Variants in WDR70 observed in about 807,000 individuals in gnomAD.
The protein encoded by WDR70 is WD repeat domain 70, also known as WD repeat-containing protein 70.
Under a neutral mutation model 88.6 loss-of-function variants are expected in WDR70, and 53 were observed. The ratio of observed to expected loss-of-function variants is 0.60; its 90% confidence interval spans 0.48 to 0.75. WDR70 has a LOEUF of 0.75. WDR70 is among the 30% of genes least tolerant of loss of function. WDR70 has a pLI of 0.00. For missense variants in WDR70, 610 were observed against 823.2 expected (o/e 0.74, Z 3.17); for synonymous variants, 280 against 270.0 (o/e 1.04, Z -0.36).
intron 9 of WDR70, among the ~76,000 whole-genome samples, chr5:37,590,814 A>G (rs538254174): frequency 2.9e-4 from 44 of 152,242 alleles, no homozygotes; most frequent in African/African-American, 1.1e-3. Flanking sequence ...CTTCTGGAAA[A>G]ACATAAGGGC....
At chr5:37,710,442 T>C (rs1478864042) in intron 13 of WDR70, among the ~76,000 whole-genome samples, 1 of 152,144 alleles carries the variant, frequency 6.6e-6, no homozygotes, top group African/African-American at 2.4e-5. Context: ...GTTTCAAGAA[T>C]GTCATATAAA....
intron 8 of WDR70, among the ~76,000 whole-genome samples, chr5:37,481,419 T>G (rs1355978469): frequency 6.6e-6 from 1 of 152,164 alleles, no homozygotes; most frequent in Non-Finnish European, 1.5e-5. Flanking sequence ...TCACGAACCT[T>G]AATTCTTGAC....
chr5:37,566,564 A>T (rs1043312644), intron 9 of WDR70, among the ~76,000 whole-genome samples: 29 of 152,146 alleles, frequency 1.9e-4, no homozygotes, highest in African/African-American at 6.0e-4. Context: ...TTTACTTTTA[A>T]AATAAACTTT....
intron 10 of WDR70, among the ~76,000 whole-genome samples, chr5:37,654,362 G>T (rs761788908): frequency 1.2e-4 from 18 of 152,028 alleles, no homozygotes; most frequent in Non-Finnish European, 2.2e-4. Context: ...TTTTACTCCA[G>T]TTATGTGGTC....
At chr5:37,610,456 GGTTTATTATTATTTTATTCT>G (rs1466829347) in intron 10 of WDR70, among the ~76,000 whole-genome samples, 1 of 150,356 alleles carries the variant, frequency 6.7e-6, no homozygotes, top group Non-Finnish European at 1.5e-5. Context: ...TTGGTTTTTT[GGTTTATTATTATTTTATTCT>G]GTGCCACTCC....
chr5:37,731,963 C>T (rs1204202330), intron 17 of WDR70, among the ~76,000 whole-genome samples: 2 of 151,082 alleles, frequency 1.3e-5, no homozygotes, highest in East Asian at 3.9e-4. Flanking sequence ...CTTAGAATTT[C>T]CAGGTTATTG....
chr5:37,456,356 G>C (rs1738840378), intron 7 of WDR70, among the ~76,000 whole-genome samples: 1 of 152,112 alleles, frequency 6.6e-6, no homozygotes, highest in Non-Finnish European at 1.5e-5. Context: ...TAGTGATATT[G>C]AGCTTATATG....
At chr5:37,584,476 GA>G (rs1743309024) in intron 9 of WDR70, among the ~76,000 whole-genome samples, 1 of 151,994 alleles carries the variant, frequency 6.6e-6, no homozygotes, top group African/African-American at 2.4e-5. Flanking sequence ...TTTCAGTCAG[GA>G]AAAATCATCA....
chr5:37,491,422 G>A (rs1740065948), intron 8 of WDR70, among the ~76,000 whole-genome samples: 1 of 152,270 alleles, frequency 6.6e-6, no homozygotes, highest in South Asian at 2.1e-4. Flanking sequence ...ATTGTTCAGT[G>A]CCTTTCTCCA....
chr5:37,750,136 C>T (rs1310086202), intron 17 of WDR70, among the ~76,000 whole-genome samples: 1 of 152,192 alleles, frequency 6.6e-6, no homozygotes, highest in African/African-American at 2.4e-5. Flanking sequence ...AACATCCTCT[C>T]ATGCCTCTTT....
chr5:37,433,127 C>A (rs769307105), intron 5 of WDR70, among the ~76,000 whole-genome samples: 1 of 152,078 alleles, frequency 6.6e-6, no homozygotes, highest in Non-Finnish European at 1.5e-5. Context: ...GTGGCACGAT[C>A]TTGGCTCATT....
rs61354861 is a variant in WDR70 at position 37,749,830 on chromosome 5, G to GAA, written c.1878-2647_1878-2646dup. ...GAATTAACTGAGTTCAATACTAGGT[G>GAA]AAAAAAAAAACCAAAAACGCAGTAT... On this transcript the variant is annotated intron_variant, in intron 17 of 17. Transcript: ENST00000265107. Among the ~76,000 whole-genome samples, 1,230 of 142,426 alleles carry GAA rather than the reference G, an allele frequency of 8.6e-3. 13 individuals carry two copies. Among genetic ancestry groups the GAA allele is most frequent in the African/African-American group, 0.026 (1,052 of 39,966 alleles). The allele number at this position is 142,426 out of a possible 152,430, so 93.4% of individuals were successfully genotyped here.
chr5:37,633,081 A>T (rs950134716), intron 10 of WDR70, among the ~76,000 whole-genome samples: 1 of 152,194 alleles, frequency 6.6e-6, no homozygotes, highest in Non-Finnish European at 1.5e-5. Flanking sequence ...AGGCTATTCC[A>T]TGTAAGTCTT....
intron 9 of WDR70, among the ~76,000 whole-genome samples, chr5:37,549,133 T>G (rs1344525680): frequency 6.6e-6 from 1 of 152,246 alleles, no homozygotes; most frequent in Non-Finnish European, 1.5e-5. Context: ...GAGTCTTTTG[T>G]GGTTCCATGT....
At chr5:37,728,085 T>C (rs137879442) in intron 17 of WDR70, among the ~76,000 whole-genome samples, 5 of 152,096 alleles carry the variant, frequency 3.3e-5, no homozygotes, top group African/African-American at 9.6e-5. Flanking sequence ...CATTAGCTCA[T>C]GCTTATAATC....
intron 9 of WDR70, among the ~76,000 whole-genome samples, chr5:37,558,055 C>T (rs966440000): frequency 4.8e-5 from 5 of 103,520 alleles, no homozygotes; most frequent in African/African-American, 7.4e-5. Context: ...CTAGCATGAC[C>T]ACTCTTTTAC....
At chr5:37,608,712 C>T (rs563919117) in intron 10 of WDR70, among the ~76,000 whole-genome samples, 8 of 152,230 alleles carry the variant, frequency 5.3e-5, no homozygotes, top group Admixed American at 5.2e-4. Context: ...CATGCGCCAC[C>T]ATGCCCAGCT....
intron 9 of WDR70, among the ~76,000 whole-genome samples, chr5:37,546,125 G>A (rs1008906370): frequency 2.6e-5 from 4 of 152,054 alleles, no homozygotes; most frequent in African/African-American, 2.4e-5. Flanking sequence ...TTTTATGTAC[G>A]TGTTTGCTCC....
chr5:37,432,469 A>G (rs1189218248), intron 5 of WDR70, among the ~76,000 whole-genome samples: 1 of 151,744 alleles, frequency 6.6e-6, no homozygotes, highest in African/African-American at 2.4e-5. Flanking sequence ...GCTCACTGCA[A>G]CCTCCGCCTC....
Sources: allele counts gnomAD v4.1 joint callset (sites outside exome capture counted in the v4.1 genomes callset), GRCh38; gene constraint gnomAD v4.1.1; transcripts MANE v1.5; gene names NCBI Gene and HGNC (gene_info 2026-07-23, HGNC 2026-07-21).